Variants in ATRN observed in about 807,000 individuals in gnomAD.
The protein encoded by ATRN is attractin-2.
ATRN carries 54 observed loss-of-function variants against 178.7 expected under a neutral mutation model. That is an observed-to-expected ratio of 0.30 (90% CI 0.24 to 0.38). The LOEUF is 0.38. Ranked by LOEUF, ATRN falls within the 10% of genes least tolerant of loss-of-function variation. The pLI, the probability that ATRN is intolerant of heterozygous loss-of-function variation, is 1.00. For missense variants in ATRN, 1,443 were observed against 1,815.1 expected, an observed-to-expected ratio of 0.79 and a Z score of 3.73; for synonymous variants, 636 against 663.0, an observed-to-expected ratio of 0.96 and a Z score of 0.63.
rs144551793 is a variant in ATRN at position 3,582,155 on chromosome 20, A to T, written c.2565A>T (p.Pro855=). The change falls in exon 16 of 29, where the codon CCA becomes CCT. Residue 855 remains proline (P), a synonymous_variant. Coordinates refer to ENST00000262919, the MANE Select transcript of ATRN (RefSeq NM_139321.3). ...SQSMSKLTLT[P]WVGLRKINVS... The stretch of plus-strand genomic sequence containing the variant: ...TTTAGTCCAAGCTCACCTTAACCCC[A>T]TGGGTCGGCCTTCGGAAGATCAATG... 6 of 1,614,156 alleles carry T rather than the reference A, an allele frequency of 3.7e-6. No individual in the cohort carries two copies. The highest frequency in any genetic ancestry group is 5.1e-6 in the Non-Finnish European group (6 of 1,179,982).
At chr20:3,471,608 G>C (rs769613173) in intron 1 of ATRN, 91 bp downstream of exon 1, 3 of 1,342,612 alleles carry the variant, frequency 2.2e-6, no homozygotes, top group South Asian at 1.9e-5. Context: ...GGGAGATGCT[G>C]GACAGAAAGT....
chr20:3,490,545 C>G (rs950502190), intron 1 of ATRN: 17 of 1,148,742 alleles, frequency 1.5e-5, no homozygotes, highest in African/African-American at 1.1e-4. Context: ...TGATATAATC[C>G]AGCTTCTCAG....
At chr20:3,506,869 T>A (rs1355392300) in intron 1 of ATRN, among the ~76,000 whole-genome samples, 2 of 151,808 alleles carry the variant, frequency 1.3e-5, no homozygotes, top group African/African-American at 4.8e-5. Context: ...AGTAGAGAAA[T>A]AGAAAGTATA....
intron 24 of ATRN, among the ~76,000 whole-genome samples, chr20:3,615,007 T>C (rs531721998): frequency 3.3e-5 from 5 of 152,210 alleles, no homozygotes; most frequent in Non-Finnish European, 5.9e-5. Context: ...TTTATCCATT[T>C]TTCTATCGAT....
intron 3 of ATRN, among the ~76,000 whole-genome samples, chr20:3,544,144 A>G (rs1478807455): frequency 1.3e-5 from 2 of 152,004 alleles, no homozygotes; most frequent in African/African-American, 4.8e-5. Context: ...TTTTGTATGC[A>G]TTTATATAGG....
At chr20:3,500,186 A>G (rs1359033386) in intron 1 of ATRN, among the ~76,000 whole-genome samples, 2 of 152,174 alleles carry the variant, frequency 1.3e-5, no homozygotes, top group Non-Finnish European at 2.9e-5. Flanking sequence ...AGGAAACAAC[A>G]GGTGCTGGAG....
Position 3,547,409 on chromosome 20 carries a change from C to T in ATRN, c.863C>T (p.Thr288Ile), listed in dbSNP as rs2085720560. The T allele has an allele frequency of 1.2e-6, 2 of 1,614,070 alleles. No homozygotes were observed. The highest frequency in any genetic ancestry group is 1.6e-4 in the Middle Eastern group (1 of 6,062). Residue 288 changes from threonine to isoleucine, a missense_variant, in exon 5 of 29, where the codon ACA (threonine) becomes ATA (isoleucine). By Grantham distance (89) the Thr-to-Ile change is moderately conservative (BLOSUM62 -1). Around this residue, in one of 4 missense-constraint regions of ATRN, gnomAD observed 862 missense variants for 972.1 expected, o/e 0.89. Transcript: ENST00000262919. ...GAAGCATGTGACATTCCTCACTGTA[C>T]AGACAACTGTGGTTTTCCTCATCGA... ...KGEACDIPHCTDNCGFPHRGI... is the reference protein window; with the variant it reads ...KGEACDIPHCIDNCGFPHRGI...
chr20:3,501,376 A>T (rs1213624756), intron 1 of ATRN, among the ~76,000 whole-genome samples: 1 of 152,190 alleles, frequency 6.6e-6, no homozygotes, highest in Non-Finnish European at 1.5e-5. Flanking sequence ...AGCACTTCTA[A>T]TGCCAGACTC....
chr20:3,487,013 C>T (rs1201098096), intron 1 of ATRN, among the ~76,000 whole-genome samples: 1 of 151,962 alleles, frequency 6.6e-6, no homozygotes, highest in Non-Finnish European at 1.5e-5. Context: ...TTATCTATTT[C>T]CCTCTGTTGC....
intron 1 of ATRN, among the ~76,000 whole-genome samples, chr20:3,534,464 G>T (rs551331723): frequency 2.6e-5 from 4 of 152,280 alleles, no homozygotes; most frequent in East Asian, 3.9e-4. Flanking sequence ...CTTAGATGTT[G>T]ATGCAGATGA....
intron 18 of ATRN, among the ~76,000 whole-genome samples, chr20:3,587,345 A>C (rs2086372010): frequency 1.3e-5 from 2 of 152,144 alleles, no homozygotes; most frequent in Non-Finnish European, 2.9e-5. Flanking sequence ...GTTTTCTTTG[A>C]AAAGTTTCAT....
At chr20:3,610,547 G>A (rs1004218442) in intron 24 of ATRN, among the ~76,000 whole-genome samples, 2 of 148,600 alleles carry the variant, frequency 1.3e-5, no homozygotes, top group Admixed American at 6.7e-5. Context: ...GGTGCACACC[G>A]CCACGCTAGT....
rs1399936454 is a variant in ATRN at position 3,604,190 on chromosome 20, T to G, written c.3729T>G (p.Phe1243Leu). The G allele has an allele frequency of 3.1e-6, 5 of 1,613,434 alleles. No individual in the cohort carries two copies. The highest frequency in any genetic ancestry group is 4.2e-6 in the Non-Finnish European group (5 of 1,179,810). The change falls in exon 24 of 29, where the codon TTT (phenylalanine) becomes TTG (leucine). Residue 1243 changes from phenylalanine to leucine, a missense_variant. Around this residue, in one of 4 missense-constraint regions of ATRN, gnomAD observed 289 missense variants for 440.8 expected, o/e 0.66. Coordinates refer to ENST00000262919, the MANE Select transcript of ATRN (RefSeq NM_139321.3). ...EYKDSFSNEK[F>L]DFRNHPNITF... ...AAGATAGTTTCTCTAATGAGAAGTT[T>G]GATTTTCGCAACCACCCAAATATCA...
chr20:3,546,020 T>A, intron 4 of ATRN, 130 bp downstream of exon 4: 1 of 1,036,128 alleles, frequency 9.7e-7, no homozygotes, highest in Non-Finnish European at 1.4e-6. Flanking sequence ...TTTTCTCATT[T>A]AAAATTCTTC....
At chr20:3,608,783 A>G (rs1183108216) in intron 24 of ATRN, among the ~76,000 whole-genome samples, 2 of 152,132 alleles carry the variant, frequency 1.3e-5, no homozygotes. Flanking sequence ...CCTGGCCAAC[A>G]TGGCAAAACC....
At chr20:3,547,832 T>TTCC (rs1198389208) in intron 5 of ATRN, among the ~76,000 whole-genome samples, 3 of 152,130 alleles carry the variant, frequency 2.0e-5, no homozygotes, top group Non-Finnish European at 4.4e-5. Context: ...ACACTCTAAG[T>TTCC]TCAGAGAAAA....
intron 25 of ATRN, among the ~76,000 whole-genome samples, chr20:3,625,432 T>A (rs1189045826): frequency 1.3e-5 from 2 of 152,210 alleles, no homozygotes; most frequent in Non-Finnish European, 2.9e-5. Context: ...CACTACCACA[T>A]TTTTTGGGTA....
chr20:3,493,267 C>A (rs1219745105), intron 1 of ATRN, among the ~76,000 whole-genome samples: 2 of 151,148 alleles, frequency 1.3e-5, no homozygotes, highest in African/African-American at 4.9e-5. Flanking sequence ...AATCCTTCCA[C>A]CTCAGCCTCC....
chr20:3,576,786 A>G (rs1188307012), intron 13 of ATRN, 73 bp from the exon 14 acceptor site: 4 of 1,534,778 alleles, frequency 2.6e-6, no homozygotes, highest in Non-Finnish European at 3.5e-6. Context: ...TGTTGTCTAT[A>G]ATATCCTGTT....
Sources: allele counts gnomAD v4.1 joint callset (sites outside exome capture counted in the v4.1 genomes callset), GRCh38; gene constraint gnomAD v4.1.1; regional missense constraint gnomAD v4.1.1; transcripts MANE v1.5; gene names NCBI Gene and HGNC (gene_info 2026-07-23, HGNC 2026-07-21).